LRRTM4: variants seen among roughly 807,000 people sequenced by gnomAD.
LRRTM4 encodes the protein leucine rich repeat transmembrane neuronal 4, also known as leucine-rich repeat transmembrane neuronal protein 4.
In LRRTM4, 25 loss-of-function variants were observed where a neutral mutation model predicts 47.6. That is an observed-to-expected ratio of 0.53 (90% CI 0.38 to 0.73). The LOEUF is 0.73. LRRTM4 is among the 30% of genes least tolerant of loss of function. LRRTM4 has a pLI of 0.00. For missense variants in LRRTM4, 638 were observed against 713.4 expected, an observed-to-expected ratio of 0.89 and a Z score of 1.20; for synonymous variants, 311 against 269.5, an observed-to-expected ratio of 1.15 and a Z score of -1.51.
At chr2:76,870,872 G>A (rs1384828141) in intron 3 of LRRTM4, among the ~76,000 whole-genome samples, 1 of 152,108 alleles carries the variant, frequency 6.6e-6, no homozygotes, top group African/African-American at 2.4e-5. Context: ...TGAGATATTA[G>A]AAAAACACAC....
At chr2:77,520,778 CT>C (rs1679457340) in intron 2 of LRRTM4, among the ~76,000 whole-genome samples, 1 of 151,990 alleles carries the variant, frequency 6.6e-6, no homozygotes, top group African/African-American at 2.4e-5. Flanking sequence ...TTTTTCTCCC[CT>C]ATCTCCATTA....
chr2:76,939,352 G>T (rs1322018415), intron 3 of LRRTM4, among the ~76,000 whole-genome samples: 1 of 151,974 alleles, frequency 6.6e-6, no homozygotes, highest in East Asian at 1.9e-4. Flanking sequence ...ACTCCTAAAG[G>T]CCTTAGAATC....
At chr2:76,961,373 C>A (rs1279204345) in intron 3 of LRRTM4, among the ~76,000 whole-genome samples, 1 of 150,988 alleles carries the variant, frequency 6.6e-6, no homozygotes, top group Non-Finnish European at 1.5e-5. Context: ...CATCACAGAT[C>A]TGTTAGCTTG....
intron 3 of LRRTM4, among the ~76,000 whole-genome samples, chr2:76,921,793 G>A (rs1287391237): frequency 6.6e-6 from 1 of 151,808 alleles, no homozygotes. Flanking sequence ...GATGTTCTAG[G>A]GTCATTTTGT....
intron 3 of LRRTM4, among the ~76,000 whole-genome samples, chr2:77,284,217 G>A (rs188415400): frequency 6.6e-6 from 1 of 152,054 alleles, no homozygotes; most frequent in African/African-American, 2.4e-5. Flanking sequence ...CTCATGGGAA[G>A]GATGTACACC....
At chr2:76,813,926 T>G in intron 3 of LRRTM4, among the ~76,000 whole-genome samples, 1 of 152,258 alleles carries the variant, frequency 6.6e-6, no homozygotes, top group South Asian at 2.1e-4. Context: ...AAAGTTCATT[T>G]ATATTTTCTT....
intron 3 of LRRTM4, among the ~76,000 whole-genome samples, chr2:77,119,756 T>C (rs1396549201): frequency 6.6e-6 from 1 of 151,852 alleles, no homozygotes; most frequent in Non-Finnish European, 1.5e-5. Flanking sequence ...TACATACATA[T>C]CATATTACAT....
At chr2:76,781,796 TCTA>T (rs1656882377) in intron 3 of LRRTM4, among the ~76,000 whole-genome samples, 2 of 152,134 alleles carry the variant, frequency 1.3e-5, no homozygotes, top group African/African-American at 4.8e-5. Context: ...TTGTGGCATT[TCTA>T]TTTTTTTTCC....
At chr2:77,011,401 T>C (rs539942041) in intron 3 of LRRTM4, among the ~76,000 whole-genome samples, 2 of 151,594 alleles carry the variant, frequency 1.3e-5, no homozygotes, top group South Asian at 2.1e-4. Context: ...TAGGGACTTA[T>C]TATTGGGATT....
At chr2:77,054,070 C>G (rs1199778087) in intron 3 of LRRTM4, among the ~76,000 whole-genome samples, 1 of 151,960 alleles carries the variant, frequency 6.6e-6, no homozygotes, top group African/African-American at 2.4e-5. Context: ...TTTGAATAGT[C>G]TCTAGTTTCA....
chr2:77,382,807 T>C (rs966062677), intron 3 of LRRTM4, among the ~76,000 whole-genome samples: 5 of 152,104 alleles, frequency 3.3e-5, no homozygotes, highest in Non-Finnish European at 7.4e-5. Context: ...TTTAACTAAA[T>C]TGAAATCTAA....
intron 3 of LRRTM4, among the ~76,000 whole-genome samples, chr2:77,480,822 G>GTGTGGAGGGAGA (rs1222517611): frequency 1.7e-4 from 13 of 74,496 alleles, no homozygotes; most frequent in Non-Finnish European, 2.6e-4. Flanking sequence ...GTGTGTGTGT[G>GTGTGGAGGGAGA]GAGAGAGAGA....
intron 3 of LRRTM4, among the ~76,000 whole-genome samples, chr2:77,489,628 G>T (rs1048703201): frequency 2.6e-5 from 4 of 152,064 alleles, no homozygotes; most frequent in Admixed American, 2.6e-4. Context: ...CTTGGAACAC[G>T]CTTAAATAAT....
At chr2:77,041,655 T>C (rs977674795) in intron 3 of LRRTM4, among the ~76,000 whole-genome samples, 19 of 151,442 alleles carry the variant, frequency 1.3e-4, no homozygotes, top group African/African-American at 4.4e-4. Flanking sequence ...TGATTAGTGA[T>C]GTTGATTACT....
At chr2:77,473,219 T>C (rs1166865617) in intron 3 of LRRTM4, among the ~76,000 whole-genome samples, 1 of 152,132 alleles carries the variant, frequency 6.6e-6, no homozygotes, top group East Asian at 1.9e-4. Flanking sequence ...AAGCAATTTG[T>C]AAAGGGCTAA....
chr2:77,102,064 C>G (rs980058841), intron 3 of LRRTM4, among the ~76,000 whole-genome samples: 3 of 152,216 alleles, frequency 2.0e-5, no homozygotes, highest in African/African-American at 7.2e-5. Context: ...TCTGTGTGTG[C>G]TGTTTCAGCA....
At chr2:76,935,661 T>C (rs558227043) in intron 3 of LRRTM4, among the ~76,000 whole-genome samples, 1 of 152,350 alleles carries the variant, frequency 6.6e-6, no homozygotes, top group East Asian at 1.9e-4. Flanking sequence ...TATTGGTGTA[T>C]AGGAATGTTT....
intron 3 of LRRTM4, among the ~76,000 whole-genome samples, chr2:77,176,872 A>G (rs1020231843): frequency 2.0e-5 from 3 of 152,174 alleles, no homozygotes; most frequent in Non-Finnish European, 2.9e-5. Flanking sequence ...CAAAACAAAG[A>G]TGGCCACAAA....
chr2:77,166,272 G>A (rs549553049), intron 3 of LRRTM4, among the ~76,000 whole-genome samples: 1 of 152,216 alleles, frequency 6.6e-6, no homozygotes, highest in East Asian at 1.9e-4. Flanking sequence ...ACCTCTTCAA[G>A]GAGAATTGAA....
Sources: allele counts gnomAD v4.1 joint callset (sites outside exome capture counted in the v4.1 genomes callset), GRCh38; gene constraint gnomAD v4.1.1; transcripts MANE v1.5; gene names NCBI Gene and HGNC (gene_info 2026-07-23, HGNC 2026-07-21).